Variants in MROH2A observed in about 807,000 individuals in gnomAD.
MROH2A encodes maestro heat-like repeat-containing protein family member 2A.
MROH2A carries 174 observed loss-of-function variants against 200.4 expected under a neutral mutation model. That is an observed-to-expected ratio of 0.87 (90% CI 0.77 to 0.98). The LOEUF is 0.98. Ranked by LOEUF, MROH2A falls within the 50% of genes least tolerant of loss-of-function variation. The pLI, the probability that MROH2A is intolerant of heterozygous loss-of-function variation, is 0.00. For synonymous variants in MROH2A, 829 were observed against 840.4 expected (o/e 0.99, Z 0.23); for missense variants, 2,045 against 2,139.6 (o/e 0.96, Z 0.87).
At position 233,799,780 on chromosome 2, in the gene MROH2A, G is replaced by A; in HGVS notation, c.1330G>A (p.Val444Met). 2 of 1,550,420 alleles carry A rather than the reference G, an allele frequency of 1.3e-6. No individual in the cohort carries two copies. Among genetic ancestry groups the A allele is most frequent in the Non-Finnish European group, 1.7e-6 (2 of 1,146,960 alleles). The stretch of plus-strand genomic sequence containing the variant: ...CATGTCCACGGTCCTGTCCCCTCAG[G>A]TGAGGATGGCTATTCTCCACATCAT... The part of the protein sequence containing the change: ...KNTISDTRSK[V>M]RMAILHIIGQ... Residue 444 changes from valine (V) to methionine (M), a missense_variant and splice_region_variant, in exon 13 of 42, where the codon GTG (valine) becomes ATG (methionine). Physicochemically the swap from Val to Met is conservative, Grantham distance 21. Coordinates refer to ENST00000389758, the MANE Select transcript of MROH2A (RefSeq NM_001394639.1).
chr2:233,819,491 C>A (rs1703786594), intron 30 of MROH2A, 22 bp downstream of exon 30: 2 of 1,547,398 alleles, frequency 1.3e-6, no homozygotes, highest in Admixed American at 3.9e-5. Context: ...GCGGCAGGGC[C>A]ACCAGAGAGA....
At chr2:233,804,386 A>G in intron 17 of MROH2A, 109 bp from the exon 18 acceptor site, 1 of 1,356,380 alleles carries the variant, frequency 7.4e-7, no homozygotes, top group South Asian at 1.3e-5. Flanking sequence ...GTGTTCATCC[A>G]TGGAGGGCCT....
chr2:233,801,402 G>C (rs1702465600), intron 14 of MROH2A, among the ~76,000 whole-genome samples: 1 of 152,146 alleles, frequency 6.6e-6, no homozygotes, highest in Non-Finnish European at 1.5e-5. Context: ...GGGTGAAGTT[G>C]GAAACACAGC....
rs767253073 is a variant in MROH2A, at chr2:233,822,292, C to T, written c.3672+9C>T. ...CGGTGGACCCCCTGATGGTGAGTTGCAGGCGCAGGCCCCAAGGCTCCTCAG... is the reference window on the plus strand; with the variant it reads ...CGGTGGACCCCCTGATGGTGAGTTGTAGGCGCAGGCCCCAAGGCTCCTCAG... On this transcript the variant is annotated intron_variant, in intron 32 of 41. Coordinates refer to ENST00000389758, the MANE Select transcript of MROH2A (RefSeq NM_001394639.1). The T allele has an allele frequency of 3.7e-5, 58 of 1,547,592 alleles. No homozygotes were observed. The highest frequency in any genetic ancestry group is 5.0e-5 in the Non-Finnish European group (57 of 1,146,816).
Position 233,816,858 on chromosome 2 carries a change from G to A in MROH2A, c.2934G>A (p.Trp978Ter), listed in dbSNP as rs2124825867. The A allele has an allele frequency of 6.5e-7, 1 of 1,549,458 alleles. No homozygotes were observed. Among genetic ancestry groups the A allele is most frequent in the East Asian group, 2.4e-5 (1 of 40,914 alleles). Residue 978 changes from tryptophan (W) to a stop codon, truncating the protein, a stop_gained, in exon 27 of 42, where the codon TGG becomes TGA. Transcript: ENST00000389758. LOFTEE classifies it high-confidence loss of function. ...TGAGCCTCCATCTCTATCTCATGTG[G>A]ATTTATGTCCACAGCACTGCTGTCT... ...KAVSLHLYLM[W>*]IYVHSTAVCI... is the part of the protein sequence containing the mutation.
chr2:233,792,750 C>A, intron 5 of MROH2A, 46 bp from the exon 6 acceptor site: 1 of 1,256,638 alleles, frequency 8.0e-7, no homozygotes, highest in Non-Finnish European at 1.1e-6. Flanking sequence ...TCTCTCTGCT[C>A]ACCCCCAGCC....
Position 233,828,187 on chromosome 2 carries a change from GCACACATGTA to G in MROH2A, c.4114-424_4114-415del, listed in dbSNP as rs1005640518. On this transcript the variant is annotated intron_variant, in intron 35 of 41. Coordinates refer to ENST00000389758, the MANE Select transcript of MROH2A (RefSeq NM_001394639.1). The surrounding 1 kb of genome is among the most constrained non-coding windows in gnomAD (Gnocchi z 4.6). ...TTCAAACATACTCAGGTACTTGCAT[GCACACATGTA>G]CACACATGTACACACATGCATGCAC... 3.9e-5 allele frequency among the ~76,000 whole-genome samples: 6 copies of G among 152,142 alleles called. No homozygotes were observed. The highest frequency in any genetic ancestry group is 6.5e-5 in the Admixed American group (1 of 15,290).
chr2:233,779,449 A>G lies in MROH2A; in HGVS notation c.91A>G (p.Ser31Gly), dbSNP rs1230829123. Residue 31 changes from serine to glycine, a missense_variant, in exon 2 of 42, where the codon AGT becomes GGT. Transcript: ENST00000389758. ...CCTGGGGCCTCTTGAATTACATGAC[A>G]GTGGTAAGAATGTCATCCACATTTC... ...DDLGPLELHD[S>G]GTFQQVVNLL... The G allele has an allele frequency of 6.5e-7, 1 of 1,547,878 alleles. No individual in the cohort carries two copies. Among genetic ancestry groups the G allele is most frequent in the East Asian group, 2.4e-5 (1 of 40,914 alleles).
intron 29 of MROH2A, 42 bp downstream of exon 29, chr2:233,818,812 A>C: frequency 3.7e-6 from 5 of 1,356,140 alleles, no homozygotes; most frequent in Non-Finnish European, 5.1e-6. Context: ...GGCTGGTCTC[A>C]GGGCCCTTGG....
At chr2:233,814,239 G>A (rs530116029) in intron 25 of MROH2A, among the ~76,000 whole-genome samples, 9 of 152,290 alleles carry the variant, frequency 5.9e-5, no homozygotes, top group African/African-American at 1.9e-4. Flanking sequence ...CATGCAAGGA[G>A]TCCTGGGAAA....
rs1449444034 is a variant in MROH2A at position 233,790,432 on chromosome 2, TCCTTCCTTCCTCCCTCCCCC to T, written c.571+437_571+456del. ...CCTTCCTTCCTCCCCTTTTCTTCTC[TCCTTCCTTCCTCCCTCCCCC>T]CCTTCCTTCCTCCCTCCCTCCTTCC... On this transcript the variant is annotated intron_variant, in intron 5 of 41. Transcript: ENST00000389758. Among the ~76,000 whole-genome samples the T allele has an allele frequency of 2.5e-3, 205 of 81,836 alleles. 12 individuals are homozygous for T. Among genetic ancestry groups the T allele is most frequent in the Admixed American group, 0.019 (127 of 6,784 alleles). The allele number at this position is 81,836 out of a possible 152,430, so 53.7% of individuals were successfully genotyped here. A position where few individuals can be genotyped will look rare whatever the true frequency, so the allele number is the denominator to read the frequency against.
chr2:233,789,218 G>A (rs1477553379), intron 3 of MROH2A, among the ~76,000 whole-genome samples: 1 of 152,198 alleles, frequency 6.6e-6, no homozygotes, highest in Non-Finnish European at 1.5e-5. Flanking sequence ...CCCATGCATA[G>A]AGAACCTTGT....
chr2:233,833,101 C>T (rs1478718838), intron 41 of MROH2A, 37 bp from the exon 42 acceptor site: 6 of 1,506,642 alleles, frequency 4.0e-6, no homozygotes, highest in East Asian at 2.5e-5. Flanking sequence ...CCTGACTGGG[C>T]GGGGCCTGAA....
At chr2:233,832,303 C>T (rs1704817776) in intron 40 of MROH2A, 24 bp downstream of exon 40, 2 of 1,543,996 alleles carry the variant, frequency 1.3e-6, no homozygotes, top group African/African-American at 1.4e-5. Context: ...CGTCTCCTGA[C>T]TCAAGATAGA....
rs1399658781 is a variant in MROH2A, at chr2:233,832,569, ATTG to A, written c.4838-7_4838-5del. On this transcript the variant is annotated splice_region_variant and splice_polypyrimidine_tract_variant and intron_variant, in intron 40 of 41. Coordinates refer to ENST00000389758, the MANE Select transcript of MROH2A (RefSeq NM_001394639.1). ...TCGCGTGATGAGCATTTCTTTGGCTATTGTTTTAGGAATTATTATGAAGCAGAT... is the reference window on the plus strand; with the variant it reads ...TCGCGTGATGAGCATTTCTTTGGCTATTTTAGGAATTATTATGAAGCAGAT... The A allele has an allele frequency of 1.9e-6, 3 of 1,539,226 alleles. No homozygotes were observed. The African/African-American group carries it at 4.1e-5, about 21-fold the overall frequency.
chr2:233,816,757 TGG>T, intron 26 of MROH2A, 22 bp from the exon 27 acceptor site: 1 of 1,502,898 alleles, frequency 6.7e-7, no homozygotes, highest in Non-Finnish European at 9.1e-7. Flanking sequence ...ACACCCACTT[TGG>T]TGTTCTGGGC....
intron 35 of MROH2A, among the ~76,000 whole-genome samples, chr2:233,826,494 A>C (rs902143074): frequency 1.3e-5 from 2 of 152,234 alleles, no homozygotes; most frequent in Admixed American, 1.3e-4. Context: ...TTTAAAAAAT[A>C]GTGCTGGGAG....
intron 3 of MROH2A, among the ~76,000 whole-genome samples, chr2:233,783,570 G>A (rs1701052287): frequency 6.6e-6 from 1 of 152,018 alleles, no homozygotes; most frequent in Non-Finnish European, 1.5e-5. Context: ...TTGGTGACAA[G>A]AGTCTCACAC....
intron 35 of MROH2A, among the ~76,000 whole-genome samples, chr2:233,826,184 A>G (rs995380317): frequency 2.0e-5 from 3 of 152,026 alleles, no homozygotes; most frequent in Admixed American, 6.5e-5. Context: ...CGGCCTCCCA[A>G]AGTGCTGGGA....
Sources: allele counts gnomAD v4.1 joint callset (sites outside exome capture counted in the v4.1 genomes callset), GRCh38; gene constraint gnomAD v4.1.1; non-coding constraint Gnocchi (gnomAD v3.1); transcripts MANE v1.5; gene names NCBI Gene and HGNC (gene_info 2026-07-23, HGNC 2026-07-21).